Variants in LARP4B observed in about 807,000 individuals in gnomAD.
LARP4B encodes the protein la-related protein 4B.
In LARP4B, 12 loss-of-function variants were observed where a neutral mutation model predicts 89.8. That is an observed-to-expected ratio of 0.13 (90% CI 0.09 to 0.22). The LOEUF is 0.22. Among genes scored for constraint, LARP4B ranks in the 10% least tolerant of loss-of-function variants. The pLI, the probability that LARP4B is intolerant of heterozygous loss-of-function variation, is 1.00. For synonymous variants in LARP4B, 367 were observed against 363.3 expected, an observed-to-expected ratio of 1.01 and a Z score of -0.12; for missense variants, 757 against 947.7, an observed-to-expected ratio of 0.80 and a Z score of 2.64.
downstream of LARP4B, chr10:807,051 C>T (rs1391897261): frequency 1.8e-4 from 27 of 152,172 alleles, no homozygotes; most frequent in Admixed American, 1.2e-3. Flanking sequence ...GGCTAAAAGT[C>T]AAAGGATGAA....
intron 5 of LARP4B, among the ~76,000 whole-genome samples, chr10:852,453 G>T (rs1267476016): frequency 1.3e-5 from 2 of 152,232 alleles, no homozygotes; most frequent in East Asian, 1.9e-4. Flanking sequence ...AAATCTCTCA[G>T]CAAACCAGGA....
At chr10:816,116 C>T (rs1832042171) in intron 15 of LARP4B, among the ~76,000 whole-genome samples, 1 of 152,226 alleles carries the variant, frequency 6.6e-6, no homozygotes, top group African/African-American at 2.4e-5. Context: ...GTAGTCCCAG[C>T]TACTCGGTAG....
chr10:945,068 A>G, the LARP4B span, among the ~76,000 whole-genome samples: 23 of 152,328 alleles, frequency 1.5e-4, no homozygotes, highest in East Asian at 4.2e-3. Context: ...TTCATATTTT[A>G]TAAATGTATT....
chr10:827,641 A>G lies in LARP4B; in HGVS notation c.1125+1744T>C, dbSNP rs567007479. The stretch of plus-strand genomic sequence containing the variant: ...ACACACCGCAACCTGAACATACAAC[A>G]TAAGTCAAGGCCATAAGCTGACCCA... On this transcript the variant is annotated intron_variant, in intron 11 of 17. Transcript: ENST00000316157. 3.3e-5 allele frequency among the ~76,000 whole-genome samples: 5 copies of G among 152,280 alleles called. No homozygotes were observed. The East Asian group carries it at 7.7e-4, about 23-fold the overall frequency.
the LARP4B span, among the ~76,000 whole-genome samples, chr10:965,843 T>A: frequency 6.6e-6 from 1 of 152,008 alleles, no homozygotes; most frequent in Admixed American, 6.6e-5. Context: ...CATCAACCGA[T>A]TTATGTCAAA....
intron 1 of LARP4B, among the ~76,000 whole-genome samples, chr10:901,233 C>A (rs1836335859): frequency 6.6e-6 from 1 of 152,134 alleles, no homozygotes; most frequent in Non-Finnish European, 1.5e-5. Context: ...TATTTCTTAA[C>A]AGAAATTTTC....
the LARP4B span, among the ~76,000 whole-genome samples, chr10:938,336 C>T: frequency 3.4e-4 from 51 of 151,478 alleles, no homozygotes; most frequent in African/African-American, 8.7e-4. Context: ...CTACAAGCTC[C>T]GCCTCCCGGG....
chr10:878,231 T>C (rs1040242868), intron 3 of LARP4B, among the ~76,000 whole-genome samples: 5 of 152,152 alleles, frequency 3.3e-5, no homozygotes, highest in Admixed American at 2.0e-4. Context: ...CTAACTGTGA[T>C]GTTGAGCACA....
chr10:924,322 CTG>C (rs1338203349), intron 1 of LARP4B: 1 of 152,218 alleles, frequency 6.6e-6, no homozygotes. Flanking sequence ...CTCATTTAGA[CTG>C]GGGCTTGGCC....
At chr10:937,266 CT>C in the LARP4B span, among the ~76,000 whole-genome samples, 1 of 152,154 alleles carries the variant, frequency 6.6e-6, no homozygotes, top group African/African-American at 2.4e-5. Flanking sequence ...TGGTCTCGAA[CT>C]CCTGGGCTGA....
At chr10:956,258 G>A in the LARP4B span, among the ~76,000 whole-genome samples, 1 of 152,168 alleles carries the variant, frequency 6.6e-6, no homozygotes, top group East Asian at 1.9e-4. The surrounding 1 kb of genome is among the most constrained non-coding windows in gnomAD (Gnocchi z 4.3). Flanking sequence ...GTTACGTTAT[G>A]GGAGTACGTA....
rs1832837279 is a variant in LARP4B at position 830,335 on chromosome 10, C to A, written c.861+532G>T. Reference sequence around the variant, plus strand: ...TTTTCCCCCTCCATCCAATTAAAACCCATCTTTCAGGTTTCTGTGTTTTCT... The same window carrying A: ...TTTTCCCCCTCCATCCAATTAAAACACATCTTTCAGGTTTCTGTGTTTTCT... On this transcript the variant is annotated intron_variant, in intron 9 of 17. Coordinates refer to ENST00000316157, the MANE Select transcript of LARP4B (RefSeq NM_015155.3). Among the ~76,000 whole-genome samples the A allele has an allele frequency of 3.3e-5, 5 of 152,272 alleles. No individual in the cohort carries two copies. The South Asian group carries it at 1.0e-3, about 32-fold the overall frequency.
chr10:926,901 T>C (rs1837152951), intron 1 of LARP4B, among the ~76,000 whole-genome samples: 1 of 152,092 alleles, frequency 6.6e-6, no homozygotes, highest in African/African-American at 2.4e-5. Flanking sequence ...CCGGGCGTGG[T>C]GGCACGCACC....
intron 9 of LARP4B, among the ~76,000 whole-genome samples, chr10:830,089 C>G (rs1832823046): frequency 6.6e-6 from 1 of 152,184 alleles, no homozygotes; most frequent in African/African-American, 2.4e-5. Context: ...GAATGCAGTT[C>G]AGGAAATACC....
chr10:919,494 G>T (rs1416742928), intron 1 of LARP4B, among the ~76,000 whole-genome samples: 3 of 151,728 alleles, frequency 2.0e-5, no homozygotes, highest in African/African-American at 7.3e-5. Flanking sequence ...AAGAATAAAT[G>T]GGGGGAAAAA....
chr10:829,819 G>T, intron 9 of LARP4B, 85 bp from the exon 10 acceptor site: 1 of 875,094 alleles, frequency 1.1e-6, no homozygotes, highest in Admixed American at 1.9e-5. Context: ...GCTCAAATAG[G>T]GAAATATATA....
intron 1 of LARP4B, among the ~76,000 whole-genome samples, chr10:893,756 G>A (rs1330133316): frequency 1.3e-5 from 2 of 152,172 alleles, no homozygotes; most frequent in African/African-American, 4.8e-5. Flanking sequence ...GGAAGACACA[G>A]AGGCCACAGC....
chr10:829,409 C>T lies in LARP4B; in HGVS notation c.1101G>A (p.Thr367=), dbSNP rs748043760. ...CCAAGGGTGGGTCAAGATAGCTGTG[C>T]GTTGCTGACCACGTCTGGGGAGTGA... The part of the protein sequence containing the change: ...SLITPQTWSA[T]HSYLDPPLVT... The change falls in exon 11 of 18, where the codon ACG becomes ACA. Residue 367 remains threonine, a synonymous_variant. Transcript: ENST00000316157. 12 of 1,609,090 alleles carry T rather than the reference C, an allele frequency of 7.5e-6. No homozygotes were observed. In the Admixed American group the frequency reaches 8.4e-5, roughly 11 times the overall value.
the LARP4B span, among the ~76,000 whole-genome samples, chr10:945,371 G>A: frequency 3.6e-5 from 5 of 139,506 alleles, no homozygotes; most frequent in African/African-American, 1.3e-4. Flanking sequence ...GTGACAGAGT[G>A]AGACTCTGTC....
Sources: gnomAD v4.1 joint callset for allele counts (sites outside exome capture counted in the v4.1 genomes callset) on GRCh38, gnomAD v4.1.1 for gene constraint, Gnocchi (gnomAD v3.1) non-coding constraint, MANE v1.5 for transcripts, NCBI Gene and HGNC (gene_info 2026-07-23, HGNC 2026-07-21) for gene names.